The following CFAP92 variants were observed in gnomAD, a reference collection of about 807,000 sequenced individuals.
The protein encoded by CFAP92 is cilia and flagella associated protein 92 (putative).
A neutral mutation model predicts 106.3 loss-of-function variants in CFAP92; 86 were observed. The observed-to-expected ratio is 0.81, with a 90% confidence interval of 0.68 to 0.97. The LOEUF (loss-of-function observed/expected upper bound fraction) is 0.97. Ranked by LOEUF, CFAP92 falls within the 50% of genes least tolerant of loss-of-function variation. The pLI, the probability that CFAP92 is intolerant of heterozygous loss-of-function variation, is 0.00. For synonymous variants in CFAP92, 477 were observed against 506.4 expected (o/e 0.94, Z 0.78); for missense variants, 1,204 against 1,283.8 (o/e 0.94, Z 0.95).
the CFAP92 span, among the ~76,000 whole-genome samples, chr3:129,020,056 A>G: frequency 2.0e-5 from 3 of 152,206 alleles, no homozygotes; most frequent in African/African-American, 7.2e-5. Context: ...GGTATGAGCC[A>G]TCGCAACCAG....
chr3:129,001,958 C>T (rs897554213), intron 1 of CFAP92: 56 of 1,543,868 alleles, frequency 3.6e-5, no homozygotes, highest in Middle Eastern at 1.7e-4. Context: ...ATGTGACCCC[C>T]GGGGATGCGG....
At chr3:129,015,296 A>G in the CFAP92 span, among the ~76,000 whole-genome samples, 1 of 152,064 alleles carries the variant, frequency 6.6e-6, no homozygotes, top group Non-Finnish European at 1.5e-5. Context: ...AGGTCTTGCC[A>G]GACCCCAACT....
At chr3:128,960,302 C>T (rs1346550021) in intron 9 of CFAP92, among the ~76,000 whole-genome samples, 4 of 152,218 alleles carry the variant, frequency 2.6e-5, no homozygotes, top group South Asian at 2.1e-4. Context: ...ATCAATCCCC[C>T]GTCCTCCTGC....
At chr3:129,002,288 G>C (rs751674513) in intron 1 of CFAP92, 1 of 1,528,432 alleles carries the variant, frequency 6.5e-7, no homozygotes, top group Non-Finnish European at 8.7e-7. Flanking sequence ...TGCGCGCCGC[G>C]CTGCAGAGCA....
At chr3:128,960,810 TCTC>T (rs1941846969) in intron 9 of CFAP92, among the ~76,000 whole-genome samples, 1 of 151,268 alleles carries the variant, frequency 6.6e-6, no homozygotes, top group African/African-American at 2.4e-5. Flanking sequence ...CTCAACCCCT[TCTC>T]CTTCACCCTC....
chr3:128,953,482 T>C (rs546519551), intron 9 of CFAP92, among the ~76,000 whole-genome samples: 53 of 151,730 alleles, frequency 3.5e-4, no homozygotes, highest in African/African-American at 1.1e-3. Context: ...GCCACTGCAC[T>C]CCAGCCAGGG....
intron 9 of CFAP92, among the ~76,000 whole-genome samples, chr3:128,947,491 C>T (rs1049738853): frequency 2.6e-5 from 4 of 152,152 alleles, no homozygotes; most frequent in African/African-American, 4.8e-5. Context: ...CCCATTTTTA[C>T]GACTTACTAC....
chr3:128,910,131 C>A lies in CFAP92; in HGVS notation c.*168G>T. The A allele has an allele frequency of 6.2e-7, 1 of 1,614,072 alleles. No homozygotes were observed. The highest frequency in any genetic ancestry group is 1.1e-5 in the South Asian group (1 of 91,070). On this transcript the variant is annotated 3_prime_UTR_variant, in exon 16 of 16. Coordinates refer to ENST00000645291, the MANE Select transcript of CFAP92 (RefSeq NM_001394090.1). ...CCAGCCGCTCCATCCGCATTGGGCT[C>A]CGCAACCACGACCACGAGGTGAGCC...
rs181693942 is a variant in CFAP92 at position 128,956,277 on chromosome 3, A to T, written c.1353+9234T>A. 2.0e-5 allele frequency among the ~76,000 whole-genome samples: 3 copies of T among 150,840 alleles called. No individual in the cohort carries two copies. The East Asian group carries it at 5.8e-4, about 29-fold the overall frequency. ...TTACCCAATCTGAACAACACAGGGGAAAAAAGACACAAAAATCAAAATCAG... is the reference window on the plus strand; with the variant it reads ...TTACCCAATCTGAACAACACAGGGGTAAAAAGACACAAAAATCAAAATCAG... On this transcript the variant is annotated intron_variant, in intron 9 of 15. Coordinates refer to ENST00000645291, the MANE Select transcript of CFAP92 (RefSeq NM_001394090.1).
In CFAP92 at chr3:128,993,035, GCACCTAC is replaced by G. The variant is rs781081971; in HGVS notation, c.262+1_262+7del. The G allele has an allele frequency of 1.9e-6, 3 of 1,613,974 alleles. No homozygotes were observed. In the South Asian group the frequency reaches 3.3e-5, roughly 18 times the overall value. On this transcript the variant is annotated splice_donor_variant and splice_donor_5th_base_variant and intron_variant, in intron 2 of 15. Coordinates refer to ENST00000645291, the MANE Select transcript of CFAP92 (RefSeq NM_001394090.1). LOFTEE classifies it high-confidence loss of function. ...CAGAGGGTGTTAAACTTCTGCTCTA[GCACCTAC>G]CCATATTCACAGGGAAGGCCAGTGA...
rs949604219 is a variant in CFAP92 at position 128,986,299 on chromosome 3, G to A, written c.667+1317C>T. Reference sequence around the variant, plus strand: ...CCATCACCCAGGCTGGTGTGCAGTCGTACAAACACAGCTTACTGAAGCCTC... The same window carrying A: ...CCATCACCCAGGCTGGTGTGCAGTCATACAAACACAGCTTACTGAAGCCTC... On this transcript the variant is annotated intron_variant, in intron 4 of 15. Transcript: ENST00000645291. 3.4e-5 allele frequency among the ~76,000 whole-genome samples: 5 copies of A among 148,134 alleles called. No homozygotes were observed. The East Asian group carries it at 5.9e-4, about 18-fold the overall frequency.
Position 128,935,168 on chromosome 3 carries a change from G to A in CFAP92, c.2410C>T (p.Leu804=), listed in dbSNP as rs1420095501. 5.9e-6 allele frequency: 9 copies of A among 1,535,614 alleles called. No individual in the cohort carries two copies. Among genetic ancestry groups the A allele is most frequent in the Non-Finnish European group, 6.1e-6 (7 of 1,146,536 alleles). ...ELLLQQAVFF[L]RDTERRRVFQ... is the part of the protein sequence containing the mutation. Reference sequence around the variant, plus strand: ...ACCCGCCTCCGCTCAGTGTCTCGCAGGAAGAACACCGCCTGCTGCAGCAGC... The same window carrying A: ...ACCCGCCTCCGCTCAGTGTCTCGCAAGAAGAACACCGCCTGCTGCAGCAGC... The change falls in exon 11 of 16, where the codon CTG becomes TTG. Residue 804 remains leucine, a synonymous_variant. Transcript: ENST00000645291.
intron 4 of CFAP92, among the ~76,000 whole-genome samples, chr3:128,981,307 A>G (rs1943520479): frequency 6.6e-6 from 1 of 151,666 alleles, no homozygotes; most frequent in East Asian, 1.9e-4. Context: ...AAGTGCTGAG[A>G]TTACAGGAGT....
intron 9 of CFAP92, among the ~76,000 whole-genome samples, chr3:128,952,634 A>C (rs1481347427): frequency 6.6e-6 from 1 of 152,160 alleles, no homozygotes; most frequent in African/African-American, 2.4e-5. Flanking sequence ...ATAAAGAATA[A>C]ACAAGGTGTG....
At chr3:128,992,581 T>TA (rs11396138) in intron 2 of CFAP92, among the ~76,000 whole-genome samples, 4,295 of 147,154 alleles carry the variant, frequency 0.029, 181 homozygotes, top group African/African-American at 0.1. Flanking sequence ...GAATTATTAT[T>TA]TTTTTTTTTT....
At chr3:128,924,800 A>G (rs908722123) in intron 12 of CFAP92, among the ~76,000 whole-genome samples, 2 of 152,238 alleles carry the variant, frequency 1.3e-5, no homozygotes, top group East Asian at 1.9e-4. Context: ...GTAGCAGAAC[A>G]TGTTCCACAT....
At chr3:128,921,915 AAAG>A (rs1320773657) in intron 12 of CFAP92, among the ~76,000 whole-genome samples, 1 of 152,132 alleles carries the variant, frequency 6.6e-6, no homozygotes, top group Non-Finnish European at 1.5e-5. Context: ...GGGAGCCACC[AAAG>A]AAGGTCCCCA....
Position 128,977,080 on chromosome 3 carries a change from C to G in CFAP92, c.809-14G>C, listed in dbSNP as rs1274789599. ...CTTGGTGAGAACCTGAAAACAGTAG[C>G]AAATATTTCCAAGCTTTTTGTTACA... On this transcript the variant is annotated splice_polypyrimidine_tract_variant and intron_variant, in intron 5 of 15. Coordinates refer to ENST00000645291, the MANE Select transcript of CFAP92 (RefSeq NM_001394090.1). The G allele has an allele frequency of 6.2e-7, 1 of 1,607,438 alleles. No individual in the cohort carries two copies. The highest frequency in any genetic ancestry group is 8.5e-7 in the Non-Finnish European group (1 of 1,174,282).
intron 15 of CFAP92, among the ~76,000 whole-genome samples, chr3:128,914,066 A>C (rs1465848995): frequency 6.6e-6 from 1 of 152,088 alleles, no homozygotes; most frequent in East Asian, 1.9e-4. Context: ...TCTCCCTCTC[A>C]TCTGTAGTTG....
Sources: gnomAD v4.1 joint callset for allele counts (sites outside exome capture counted in the v4.1 genomes callset) on GRCh38, gnomAD v4.1.1 for gene constraint, MANE v1.5 for transcripts, NCBI Gene and HGNC (gene_info 2026-07-23, HGNC 2026-07-21) for gene names.